The following SYT14 variants were observed in gnomAD, a reference collection of about 807,000 sequenced individuals.
SYT14 encodes the protein synaptotagmin-14.
SYT14 carries 32 observed loss-of-function variants against 74.2 expected under a neutral mutation model. That is an observed-to-expected ratio of 0.43 (90% confidence interval 0.33 to 0.58). The LOEUF (loss-of-function observed/expected upper bound fraction) is 0.58. SYT14 is among the 20% of genes least tolerant of loss of function. SYT14 has a pLI of 0.05. For synonymous variants in SYT14, 298 were observed against 337.7 expected (o/e 0.88, Z 1.29); for missense variants, 791 against 981.8 (o/e 0.81, Z 2.60).
intron 2 of SYT14, among the ~76,000 whole-genome samples, chr1:210,003,134 A>C (rs2079931379): frequency 6.6e-6 from 1 of 152,010 alleles, no homozygotes; most frequent in Non-Finnish European, 1.5e-5. Flanking sequence ...TTTTTCCCTT[A>C]TATCCTCGAT....
chr1:210,122,939 A>G (rs2082497350), intron 7 of SYT14, among the ~76,000 whole-genome samples: 1 of 152,206 alleles, frequency 6.6e-6, no homozygotes, highest in East Asian at 1.9e-4. Context: ...TACTTAAATA[A>G]TAGATTTGCA....
In SYT14 at chr1:209,970,613, A is replaced by C. The variant is rs188606923; in HGVS notation, c.-486+17857A>C. Reference sequence around the variant, plus strand: ...TAATTCTGTGAAGAATGACATTGGTAGTTTGGTAGGAATAGCATTGAATTT... The same window carrying C: ...TAATTCTGTGAAGAATGACATTGGTCGTTTGGTAGGAATAGCATTGAATTT... On this transcript the variant is annotated intron_variant, in intron 2 of 9. Coordinates refer to ENST00000637265, the Ensembl canonical transcript of SYT14. Among the ~76,000 whole-genome samples, 17 of 137,450 alleles carry C rather than the reference A, an allele frequency of 1.2e-4. No homozygotes were observed. The East Asian group carries it at 4.1e-3, about 33-fold the overall frequency. 90.2% of individuals were successfully genotyped at this position (137,450 alleles called of 152,430 possible).
intron 2 of SYT14, among the ~76,000 whole-genome samples, chr1:209,994,281 C>T (rs1449366721): frequency 2.0e-5 from 3 of 152,070 alleles, no homozygotes; most frequent in Non-Finnish European, 2.9e-5. Context: ...GAGGAAATAA[C>T]CATTTTAAGA....
intron 5 of SYT14, among the ~76,000 whole-genome samples, chr1:210,071,412 A>T (rs1299689999): frequency 1.3e-5 from 2 of 151,926 alleles, no homozygotes; most frequent in South Asian, 4.1e-4. Flanking sequence ...CTAAACATTC[A>T]CTAAAAGGAC....
intron 3 of SYT14, chr1:210,015,607 G>A (rs531696858): frequency 6.5e-6 from 1 of 154,752 alleles, no homozygotes; most frequent in African/African-American, 2.4e-5. Flanking sequence ...GTAAGATAGG[G>A]TAGTTCCCTT....
At chr1:209,963,184 A>C (rs1032522379) in intron 2 of SYT14, among the ~76,000 whole-genome samples, 1 of 152,192 alleles carries the variant, frequency 6.6e-6, no homozygotes, top group Admixed American at 6.5e-5. Flanking sequence ...TAGACATTAT[A>C]GTTCAGATGC....
chr1:210,109,536 G>A (rs1219750025), intron 7 of SYT14, among the ~76,000 whole-genome samples: 2 of 147,508 alleles, frequency 1.4e-5, no homozygotes, highest in African/African-American at 5.0e-5. Flanking sequence ...CAAGATTGCA[G>A]CACTGCATTC....
At chr1:210,165,349 A>T (rs1351684402) in exon 10 of SYT14, 1 of 152,058 alleles carries the variant, frequency 6.6e-6, no homozygotes, top group Admixed American at 6.6e-5. Context: ...AAGATCAGAA[A>T]TTTTTTTTCT....
At chr1:210,003,578 A>AT (rs11435981) in intron 2 of SYT14, among the ~76,000 whole-genome samples, 7,625 of 151,776 alleles carry the variant, frequency 0.05, 1,058 homozygotes, top group East Asian at 0.42. Flanking sequence ...ACCTCTATTC[A>AT]TTTTTTTTCC....
chr1:209,968,380 C>T (rs1295708679), intron 2 of SYT14, among the ~76,000 whole-genome samples: 2 of 151,502 alleles, frequency 1.3e-5, no homozygotes, highest in Non-Finnish European at 2.9e-5. Flanking sequence ...TTCCATACTC[C>T]ATATGGATAG....
At chr1:210,168,356 CTTCT>C (rs1558237854) in exon 10 of SYT14, 1 of 152,108 alleles carries the variant, frequency 6.6e-6, no homozygotes, top group Non-Finnish European at 1.5e-5. Flanking sequence ...TCTTCACCCT[CTTCT>C]TTATTATTCT....
intron 2 of SYT14, among the ~76,000 whole-genome samples, chr1:209,990,549 G>GTATATATATATATGTA: frequency 1.8e-5 from 1 of 56,890 alleles, no homozygotes; most frequent in African/African-American, 3.8e-5. Flanking sequence ...GTATATATAT[G>GTATATATATATATGTA]TATATATATA....
chr1:209,938,328 G>A (rs772022994), intron 1 of SYT14, 51 bp downstream of exon 1: 2 of 1,528,058 alleles, frequency 1.3e-6, no homozygotes, highest in Non-Finnish European at 1.8e-6. Flanking sequence ...CCCAGCTGGC[G>A]GGGGGCTCGG....
chr1:210,131,360 T>C (rs2102640077), intron 7 of SYT14, among the ~76,000 whole-genome samples: 1 of 152,180 alleles, frequency 6.6e-6, no homozygotes, highest in South Asian at 2.1e-4. Flanking sequence ...TTTCTCCCTT[T>C]TATATGAATA....
intron 1 of SYT14, among the ~76,000 whole-genome samples, chr1:209,944,323 C>G (rs1490168352): frequency 6.6e-6 from 1 of 151,892 alleles, no homozygotes; most frequent in Non-Finnish European, 1.5e-5. Context: ...ATTGACTAAA[C>G]GGATTGAATT....
intron 7 of SYT14, among the ~76,000 whole-genome samples, chr1:210,153,319 A>G (rs2083205159): frequency 6.6e-6 from 1 of 152,240 alleles, no homozygotes; most frequent in Non-Finnish European, 1.5e-5. Context: ...CCTGATTACT[A>G]ATGAAGTCAA....
chr1:210,035,383 G>A (rs1013820025), intron 5 of SYT14, among the ~76,000 whole-genome samples: 5 of 151,822 alleles, frequency 3.3e-5, no homozygotes, highest in African/African-American at 1.2e-4. Context: ...TGACTGTGTT[G>A]ATTGTTTTTT....
At chr1:210,044,127 C>A (rs898222261) in intron 5 of SYT14, among the ~76,000 whole-genome samples, 49 of 152,242 alleles carry the variant, frequency 3.2e-4, no homozygotes, top group African/African-American at 1.2e-3. Flanking sequence ...TGGTTGGTGC[C>A]AATGTCGTAA....
chr1:209,964,885 T>G (rs1213499796), intron 2 of SYT14, among the ~76,000 whole-genome samples: 3 of 152,110 alleles, frequency 2.0e-5, no homozygotes, highest in Non-Finnish European at 4.4e-5. Flanking sequence ...ACAAACAGTC[T>G]AGGCACAATA....
Sources: gnomAD v4.1 joint callset for allele counts (sites outside exome capture counted in the v4.1 genomes callset) on GRCh38, gnomAD v4.1.1 for gene constraint, MANE v1.5 for transcripts, NCBI Gene and HGNC (gene_info 2026-07-23, HGNC 2026-07-21) for gene names.